Variants in GLS2 observed in about 807,000 individuals in gnomAD.
GLS2 encodes glutaminase 2.
GLS2 carries 52 observed loss-of-function variants against 79.0 expected under a neutral mutation model. That is an observed-to-expected ratio of 0.66 (90% CI 0.53 to 0.83). The LOEUF (loss-of-function observed/expected upper bound fraction) is 0.83. Among genes scored for constraint, GLS2 ranks in the 40% least tolerant of loss-of-function variants. The pLI, the probability that GLS2 is intolerant of heterozygous loss-of-function variation, is 0.00. For synonymous variants in GLS2, 238 were observed against 280.8 expected (o/e 0.85, Z 1.52); for missense variants, 561 against 764.8 (o/e 0.73, Z 3.14).
In GLS2 at chr12:56,474,905, A is replaced by G. The variant is rs776954313; in HGVS notation, c.997-9T>C. 1 of 1,614,120 alleles carries G rather than the reference A, an allele frequency of 6.2e-7. No individual in the cohort carries two copies. Among genetic ancestry groups the G allele is most frequent in the South Asian group, 1.1e-5 (1 of 91,078 alleles). On this transcript the variant is annotated splice_polypyrimidine_tract_variant and intron_variant, in intron 10 of 17. Transcript: ENST00000311966. ...ACCCCCTTAGGAAAGCACTGCAAGG[A>G]AGAGAGGGGAGAGCATTTCTCTTCA...
chr12:56,487,710 G>C (rs1209222717), intron 1 of GLS2: 3 of 570,120 alleles, frequency 5.3e-6, no homozygotes, highest in South Asian at 4.5e-5. Context: ...TTGGACAGGC[G>C]CCATCCCCAG....
chr12:56,477,583 G>T, intron 7 of GLS2, 77 bp downstream of exon 7: 1 of 1,435,638 alleles, frequency 7.0e-7, no homozygotes, highest in Non-Finnish European at 9.6e-7. Context: ...TCCCTGGAGA[G>T]CTGAACAAAT....
chr12:56,482,083 T>C (rs1008330023), intron 1 of GLS2, among the ~76,000 whole-genome samples: 2 of 151,816 alleles, frequency 1.3e-5, no homozygotes, highest in Non-Finnish European at 2.9e-5. Context: ...ATACAAAAAT[T>C]AGCCAGGTGT....
chr12:56,477,876 TG>T, intron 6 of GLS2, 56 bp downstream of exon 6: 1 of 1,568,404 alleles, frequency 6.4e-7, no homozygotes. Context: ...GGAGATGGGG[TG>T]GGGATAAGGA....
chr12:56,480,172 A>G, intron 2 of GLS2, 116 bp downstream of exon 2: 1 of 891,444 alleles, frequency 1.1e-6, no homozygotes, highest in Non-Finnish European at 1.8e-6. Context: ...ATCCATCTGT[A>G]TGCTTCACCC....
intron 14 of GLS2, 34 bp downstream of exon 14, chr12:56,473,194 A>C: frequency 6.2e-7 from 1 of 1,601,076 alleles, no homozygotes; most frequent in Non-Finnish European, 8.6e-7. Flanking sequence ...TGGCCTTTGA[A>C]ATATTCTTAC....
rs565067833 is a variant in GLS2, at chr12:56,482,640, G to T, written c.183-2253C>A. Among the ~76,000 whole-genome samples the T allele has an allele frequency of 2.0e-5, 3 of 152,324 alleles. 1 individual carries two copies. Among genetic ancestry groups the T allele is most frequent in the Admixed American group, 2.0e-4 (3 of 15,302 alleles). On this transcript the variant is annotated intron_variant, in intron 1 of 17. Coordinates refer to ENST00000311966, the MANE Select transcript of GLS2 (RefSeq NM_013267.4). ...GGTCTTCGATAAGAATTACTAAGTT[G>T]TATTGCTAGCAAGGTCCCTGTGTCC...
rs772756857 is a variant in GLS2, at chr12:56,478,027, G to T, written c.684C>A (p.Ile228=). Residue 228 remains isoleucine (I), a synonymous_variant, in exon 6 of 18, where the codon ATC becomes ATA. Coordinates refer to ENST00000311966, the MANE Select transcript of GLS2 (RefSeq NM_013267.4). ...AGTCAGTGCCTAGGGTGCTTATGGA[G>T]ATGGCATAGGTGAGGGGCTTCACAC... ...QSCVKPLTYA[I]SISTLGTDYV... 1 of 1,614,238 alleles carries T rather than the reference G, an allele frequency of 6.2e-7. No individual in the cohort carries two copies. The highest frequency in any genetic ancestry group is 1.1e-5 in the South Asian group (1 of 91,090).
intron 12 of GLS2, chr12:56,473,960 G>A (rs370761805): frequency 1.6e-4 from 30 of 192,982 alleles, no homozygotes; most frequent in African/African-American, 6.8e-4. Context: ...AGGTAGAGGG[G>A]GGCCACATGA....
At chr12:56,474,381 G>T (rs1869600583) in intron 12 of GLS2, 163 bp downstream of exon 12, 2 of 787,468 alleles carry the variant, frequency 2.5e-6, no homozygotes, top group Non-Finnish European at 4.0e-6. Flanking sequence ...GAGGAACTTG[G>T]TGTTTTTGAG....
chr12:56,473,297 G>A lies in GLS2; in HGVS notation c.1380C>T (p.Phe460=). 6.2e-6 allele frequency: 10 copies of A among 1,614,080 alleles called. No homozygotes were observed. Among genetic ancestry groups the A allele is most frequent in the Non-Finnish European group, 8.5e-6 (10 of 1,180,028 alleles). ...AGTGCCTCAGGTTGTCATAGTTGTG[G>A]AAATTGAAGAGAGACACCAACTTCT... ...FCQKLVSLFN[F]HNYDNLRHCA... is the part of the protein sequence containing the mutation. Residue 460 remains phenylalanine (F), a synonymous_variant, in exon 14 of 18, where the codon TTC becomes TTT. Transcript: ENST00000311966.
At chr12:56,475,215 C>T in intron 9 of GLS2, 105 bp from the exon 10 acceptor site, 1 of 1,601,794 alleles carries the variant, frequency 6.2e-7, no homozygotes, top group Non-Finnish European at 8.5e-7. Flanking sequence ...ACACCACAAA[C>T]TAAATGAACC....
chr12:56,486,535 C>A (rs1870699777), intron 1 of GLS2, among the ~76,000 whole-genome samples: 1 of 152,120 alleles, frequency 6.6e-6, no homozygotes, highest in South Asian at 2.1e-4. Context: ...TAAGCAGACA[C>A]CATGACTATG....
chr12:56,476,388 C>G, intron 7 of GLS2: 1 of 225,898 alleles, frequency 4.4e-6, no homozygotes, highest in South Asian at 6.1e-5. Context: ...TTTCCTGACT[C>G]GAATCCTGTC....
chr12:56,487,781 C>T (rs1445078395), intron 1 of GLS2, among the ~76,000 whole-genome samples, 156 bp downstream of exon 1: 1 of 152,238 alleles, frequency 6.6e-6, no homozygotes, highest in Non-Finnish European at 1.5e-5. Context: ...GCGCGGCGCA[C>T]CCAAAGCCCC....
chr12:56,474,466 C>T, intron 12 of GLS2, 78 bp downstream of exon 12: 1 of 1,566,562 alleles, frequency 6.4e-7, no homozygotes, highest in Non-Finnish European at 8.7e-7. Flanking sequence ...AAGCTTCCAC[C>T]TCTATCTTGA....
intron 12 of GLS2, 46 bp downstream of exon 12, chr12:56,474,498 T>G (rs1869610265): frequency 1.2e-6 from 2 of 1,608,874 alleles, no homozygotes; most frequent in African/African-American, 2.7e-5. Context: ...TTCTCTCTTC[T>G]TAGCACTGGG....
chr12:56,472,295 T>C (rs979003200), intron 15 of GLS2, 100 bp from the exon 16 acceptor site: 5 of 1,058,870 alleles, frequency 4.7e-6, no homozygotes, highest in African/African-American at 3.1e-5. Flanking sequence ...TCAGAGAAAG[T>C]GAAACAGCCT....
At chr12:56,477,092 A>T (rs1869892546) in intron 7 of GLS2, 2 of 152,238 alleles carry the variant, frequency 1.3e-5, no homozygotes, top group Non-Finnish European at 2.9e-5. Flanking sequence ...TGAGGGGAGG[A>T]TTCCTAACAC....
Sources: allele counts gnomAD v4.1 joint callset (sites outside exome capture counted in the v4.1 genomes callset), GRCh38; gene constraint gnomAD v4.1.1; transcripts MANE v1.5; gene names NCBI Gene and HGNC (gene_info 2026-07-23, HGNC 2026-07-21).